CALN1: variants seen among roughly 807,000 people sequenced by gnomAD.
CALN1 encodes calcium-binding protein 8.
In CALN1, 17 loss-of-function variants were observed where a neutral mutation model predicts 30.6. The ratio of observed to expected loss-of-function variants is 0.56; its 90% confidence interval spans 0.38 to 0.83. CALN1 has a LOEUF of 0.83. Ranked by LOEUF, CALN1 falls within the 40% of genes least tolerant of loss-of-function variation. The pLI, the probability that CALN1 is intolerant of heterozygous loss-of-function variation, is 0.00. For synonymous variants in CALN1, 156 were observed against 131.4 expected (o/e 1.19, Z -1.28); for missense variants, 291 against 354.9 (o/e 0.82, Z 1.45).
intron 3 of CALN1, among the ~76,000 whole-genome samples, chr7:72,277,991 A>T (rs1407553902): frequency 4.1e-5 from 5 of 121,074 alleles, no homozygotes; most frequent in African/African-American, 1.6e-4. Flanking sequence ...AGGCCAAATC[A>T]ACCTAATCCT....
intron 2 of CALN1, among the ~76,000 whole-genome samples, chr7:72,279,832 G>A (rs1181297958): frequency 6.6e-6 from 1 of 152,234 alleles, no homozygotes; most frequent in African/African-American, 2.4e-5. Context: ...TCCCCATCTA[G>A]CAAAGGGGAC....
chr7:72,094,407 A>G (rs1806079469), intron 4 of CALN1, among the ~76,000 whole-genome samples: 2 of 152,096 alleles, frequency 1.3e-5, no homozygotes, highest in African/African-American at 4.8e-5. Flanking sequence ...GGCGCACACC[A>G]CAACACCCAG....
At chr7:72,393,789 A>T (rs1400242783) in intron 2 of CALN1, among the ~76,000 whole-genome samples, 1 of 139,002 alleles carries the variant, frequency 7.2e-6, no homozygotes, top group Non-Finnish European at 1.5e-5. Flanking sequence ...TCGCTCTGTC[A>T]CCCAGGCTGC....
intron 5 of CALN1, among the ~76,000 whole-genome samples, chr7:72,018,517 C>A (rs956720162): frequency 3.3e-5 from 5 of 152,174 alleles, no homozygotes; most frequent in Non-Finnish European, 7.3e-5. Context: ...CACAGCTTTA[C>A]AACTTATGCA....
At chr7:72,080,521 G>A (rs948905027) in intron 4 of CALN1, among the ~76,000 whole-genome samples, 2 of 152,202 alleles carry the variant, frequency 1.3e-5, no homozygotes, top group African/African-American at 2.4e-5. Context: ...ACTAATGTCT[G>A]TGGAATGAAC....
intron 2 of CALN1, chr7:72,336,750 G>C: frequency 1.0e-6 from 1 of 985,358 alleles, no homozygotes; most frequent in Non-Finnish European, 1.2e-6. Flanking sequence ...AGGCGCCTCC[G>C]CACAGCGCGG....
intron 5 of CALN1, among the ~76,000 whole-genome samples, chr7:72,000,166 CA>C (rs1470794099): frequency 6.6e-6 from 1 of 151,464 alleles, no homozygotes; most frequent in South Asian, 2.1e-4. Flanking sequence ...TGGAAAGAAG[CA>C]AATAGTAAGC....
At chr7:71,993,607 T>C (rs1450730245) in intron 5 of CALN1, among the ~76,000 whole-genome samples, 1 of 151,914 alleles carries the variant, frequency 6.6e-6, no homozygotes, top group Non-Finnish European at 1.5e-5. Context: ...CAGGTGTGTG[T>C]CAACACACCC....
At chr7:72,212,398 A>G (rs947631620) in intron 3 of CALN1, among the ~76,000 whole-genome samples, 6 of 151,818 alleles carry the variant, frequency 4.0e-5, no homozygotes, top group African/African-American at 1.5e-4. Context: ...TACCCAATAG[A>G]TATGACATGG....
chr7:71,997,816 A>T (rs1412849692), intron 5 of CALN1, among the ~76,000 whole-genome samples: 1 of 152,064 alleles, frequency 6.6e-6, no homozygotes, highest in Admixed American at 6.6e-5. Flanking sequence ...TATGAATTTA[A>T]TTTTATTATT....
At chr7:72,007,060 C>T (rs117962691) in intron 5 of CALN1, among the ~76,000 whole-genome samples, 10 of 152,318 alleles carry the variant, frequency 6.6e-5, no homozygotes, top group Middle Eastern at 3.4e-3. Flanking sequence ...TTCTTCCTCA[C>T]GTGTCAATTC....
intron 3 of CALN1, among the ~76,000 whole-genome samples, chr7:72,197,870 A>T (rs1791143400): frequency 6.6e-6 from 1 of 152,080 alleles, no homozygotes; most frequent in Non-Finnish European, 1.5e-5. Context: ...AAACAGAAAA[A>T]TACAAATTAA....
chr7:72,024,290 G>C (rs1485854145), intron 4 of CALN1, among the ~76,000 whole-genome samples: 1 of 152,190 alleles, frequency 6.6e-6, no homozygotes, highest in Non-Finnish European at 1.5e-5. Flanking sequence ...CTACGATTCT[G>C]TTATGAGTAG....
At position 72,258,897 on chromosome 7, in the gene CALN1, T is replaced by TA. The variant is rs796340783; in HGVS notation, c.244+19788dup. Among the ~76,000 whole-genome samples the TA allele has an allele frequency of 3.1e-3, 406 of 132,702 alleles. 4 individuals carry two copies. The highest frequency in any genetic ancestry group is 0.023 in the East Asian group (101 of 4,386). 87.1% of individuals were successfully genotyped at this position (132,702 alleles called of 152,430 possible). A position where few individuals can be genotyped will look rare whatever the true frequency, so the allele number is the denominator to read the frequency against. Reference sequence around the variant, plus strand: ...GTGAAACCCTGTCTCTACTAAAAAGTAAAAAAAAAAAAAGAAAGAAAGAAA... The same window carrying TA: ...GTGAAACCCTGTCTCTACTAAAAAGTAAAAAAAAAAAAAAGAAAGAAAGAAA... On this transcript the variant is annotated intron_variant, in intron 3 of 6. Coordinates refer to ENST00000395275, the MANE Select transcript of CALN1 (RefSeq NM_031468.4).
chr7:72,147,203 T>G (rs1220094416), intron 3 of CALN1, among the ~76,000 whole-genome samples: 2 of 151,970 alleles, frequency 1.3e-5, no homozygotes, highest in African/African-American at 4.8e-5. Context: ...GGGAGAAAAT[T>G]TTTGCAATCT....
At chr7:72,262,163 C>T (rs1213537082) in intron 3 of CALN1, among the ~76,000 whole-genome samples, 1 of 152,210 alleles carries the variant, frequency 6.6e-6, no homozygotes, top group Non-Finnish European at 1.5e-5. Flanking sequence ...CCCATCACCA[C>T]CGCAGCTCCT....
chr7:72,268,508 T>A (rs1914390), intron 3 of CALN1, among the ~76,000 whole-genome samples: 27,796 of 151,810 alleles, frequency 0.18, 3,471 homozygotes, highest in East Asian at 0.43. Flanking sequence ...AAAATAAAAT[T>A]AAATTAATTG....
intron 3 of CALN1, among the ~76,000 whole-genome samples, chr7:72,214,324 A>G (rs3846986): frequency 0.16 from 24,698 of 151,962 alleles, 2,113 homozygotes; most frequent in South Asian, 0.21. Flanking sequence ...TACTAAAAAT[A>G]TAAGAATTAG....
At position 72,294,108 on chromosome 7, in the gene CALN1, G is replaced by T. The variant is rs546022370; in HGVS notation, c.120-15298C>A. On this transcript the variant is annotated intron_variant, in intron 2 of 6. Coordinates refer to ENST00000395275, the MANE Select transcript of CALN1 (RefSeq NM_031468.4). ...GCATATCCACAAAAAAACAAAATGA[G>T]ATTCAGTTTCCTTCAGAATAATAAT... 2.6e-5 allele frequency among the ~76,000 whole-genome samples: 4 copies of T among 151,996 alleles called. No homozygotes were observed. The East Asian group carries it at 7.8e-4, about 30-fold the overall frequency.
Sources: gnomAD v4.1 joint callset for allele counts (sites outside exome capture counted in the v4.1 genomes callset) on GRCh38, gnomAD v4.1.1 for gene constraint, MANE v1.5 for transcripts, NCBI Gene and HGNC (gene_info 2026-07-23, HGNC 2026-07-21) for gene names.